LIN9: variants seen among roughly 807,000 people sequenced by gnomAD.
The protein encoded by LIN9 is lin-9 DREAM MuvB core complex component.
In LIN9, 18 loss-of-function variants were observed where a neutral mutation model predicts 78.0. That is an observed-to-expected ratio of 0.23 (90% CI 0.16 to 0.34). The LOEUF (loss-of-function observed/expected upper bound fraction) is 0.34. Ranked by LOEUF, LIN9 falls within the 10% of genes least tolerant of loss-of-function variation. LIN9 has a pLI of 1.00. For missense variants in LIN9, 451 were observed against 644.1 expected (o/e 0.70, Z 3.25); for synonymous variants, 192 against 215.2 (o/e 0.89, Z 0.94).
chr1:226,281,902 C>A (rs546851929), intron 6 of LIN9, among the ~76,000 whole-genome samples: 1 of 152,176 alleles, frequency 6.6e-6, no homozygotes, highest in South Asian at 2.1e-4. Context: ...CCATATTGGC[C>A]AGGCTGCTCT....
In LIN9 at chr1:226,254,319, T is replaced by G. The variant is rs1297454206; in HGVS notation, c.1039-3400A>C. ...TTATTTTGTCATAAGAAAAAATACA[T>G]TTGGAACAGCAAAAAAATCAAAATA... On this transcript the variant is annotated intron_variant, in intron 10 of 14. Transcript: ENST00000681046. 2.0e-5 allele frequency among the ~76,000 whole-genome samples: 3 copies of G among 152,140 alleles called. No homozygotes were observed. The East Asian group carries it at 5.8e-4, about 29-fold the overall frequency.
intron 7 of LIN9, among the ~76,000 whole-genome samples, chr1:226,268,889 A>G (rs147252329): frequency 5.3e-5 from 8 of 152,278 alleles, no homozygotes; most frequent in East Asian, 1.9e-4. Context: ...TCTTTTGCCA[A>G]TTTTGTTTTG....
chr1:226,234,425 T>C (rs1390349455), intron 12 of LIN9, among the ~76,000 whole-genome samples: 4 of 152,212 alleles, frequency 2.6e-5, no homozygotes, highest in Admixed American at 6.5e-5. Flanking sequence ...ATAACTTTTA[T>C]TCTATGGGTT....
chr1:226,305,315 G>GAAAA (rs111859953), intron 1 of LIN9, among the ~76,000 whole-genome samples: 12 of 77,536 alleles, frequency 1.5e-4, no homozygotes, highest in African/African-American at 5.9e-4. Flanking sequence ...ACAAAAAAAA[G>GAAAA]AAAAAAAAAA....
intron 7 of LIN9, among the ~76,000 whole-genome samples, chr1:226,275,713 GA>G (rs1203565721): frequency 7.9e-5 from 8 of 100,898 alleles, no homozygotes; most frequent in Non-Finnish European, 1.5e-4. Flanking sequence ...AAAAAAAAAA[GA>G]AAAAAAGAAA....
At chr1:226,279,078 G>A (rs879682834) in intron 6 of LIN9, among the ~76,000 whole-genome samples, 2 of 150,818 alleles carry the variant, frequency 1.3e-5, no homozygotes, top group African/African-American at 2.4e-5. Flanking sequence ...GGAGAATGGC[G>A]TGAACCCGGG....
intron 11 of LIN9, among the ~76,000 whole-genome samples, chr1:226,249,056 G>A (rs146565913): frequency 6.6e-6 from 1 of 152,252 alleles, no homozygotes; most frequent in Non-Finnish European, 1.5e-5. Flanking sequence ...AAGATTAACT[G>A]GGCAAAGGCA....
intron 2 of LIN9, 56 bp downstream of exon 2, chr1:226,301,117 A>G: frequency 7.7e-7 from 1 of 1,304,244 alleles, no homozygotes; most frequent in South Asian, 1.3e-5. Flanking sequence ...TATCCAGATT[A>G]ATTTAACAAA....
chr1:226,309,042 C>T, intron 1 of LIN9, 67 bp downstream of exon 1: 2 of 1,293,486 alleles, frequency 1.5e-6, no homozygotes, highest in Non-Finnish European at 2.0e-6. Flanking sequence ...CCGTCCGTCC[C>T]GGCCGGTGCA....
chr1:226,235,237 G>A (rs1245034383), intron 12 of LIN9, among the ~76,000 whole-genome samples: 2 of 144,012 alleles, frequency 1.4e-5, no homozygotes, highest in East Asian at 2.1e-4. Flanking sequence ...CAGGAGAATC[G>A]CTTGAACCCC....
intron 7 of LIN9, among the ~76,000 whole-genome samples, chr1:226,272,987 T>C (rs954880967): frequency 6.6e-6 from 1 of 152,054 alleles, no homozygotes; most frequent in East Asian, 1.9e-4. Flanking sequence ...TGGTGTTGGG[T>C]CTGATCACCC....
intron 10 of LIN9, among the ~76,000 whole-genome samples, chr1:226,254,275 G>A (rs994525768): frequency 6.6e-6 from 1 of 151,988 alleles, no homozygotes; most frequent in Non-Finnish European, 1.5e-5. Flanking sequence ...TGTGCCTGGC[G>A]GCAAAACATT....
At chr1:226,252,047 G>A (rs775852671) in intron 10 of LIN9, among the ~76,000 whole-genome samples, 2 of 152,080 alleles carry the variant, frequency 1.3e-5, no homozygotes, top group Admixed American at 6.6e-5. Context: ...TTAAGCCCAA[G>A]AGTTTGTGAC....
chr1:226,251,879 G>C (rs1658855166), intron 10 of LIN9, among the ~76,000 whole-genome samples: 1 of 152,166 alleles, frequency 6.6e-6, no homozygotes, highest in Admixed American at 6.6e-5. Flanking sequence ...TTAGGAAGAA[G>C]AAATAACACA....
intron 11 of LIN9, among the ~76,000 whole-genome samples, chr1:226,241,714 T>C (rs960973350): frequency 3.3e-5 from 5 of 151,884 alleles, no homozygotes; most frequent in African/African-American, 1.2e-4. Flanking sequence ...AAAAATTAGC[T>C]GGGTGTGGTG....
At chr1:226,296,482 CT>C (rs1206506264) in intron 3 of LIN9, among the ~76,000 whole-genome samples, 1 of 152,024 alleles carries the variant, frequency 6.6e-6, no homozygotes, top group African/African-American at 2.4e-5. Context: ...ACCCATAGAA[CT>C]AAAAAAGTTG....
At chr1:226,266,734 G>C (rs1259053498) in intron 8 of LIN9, among the ~76,000 whole-genome samples, 2 of 151,566 alleles carry the variant, frequency 1.3e-5, no homozygotes, top group Non-Finnish European at 2.9e-5. Flanking sequence ...GAAATATTTG[G>C]GTGATCTCAT....
At chr1:226,278,848 G>A (rs1043917949) in intron 6 of LIN9, among the ~76,000 whole-genome samples, 11 of 150,288 alleles carry the variant, frequency 7.3e-5, no homozygotes, top group Admixed American at 1.3e-4. Flanking sequence ...AAGGCCGGGC[G>A]CGGTGGCTCA....
intron 6 of LIN9, 128 bp from the exon 7 acceptor site, chr1:226,278,060 T>C (rs1238965276): frequency 5.9e-6 from 4 of 673,644 alleles, no homozygotes; most frequent in African/African-American, 1.8e-5. Context: ...TGGCACAATC[T>C]TGGCTCACTG....
Sources: gnomAD v4.1 joint callset for allele counts (sites outside exome capture counted in the v4.1 genomes callset) on GRCh38, gnomAD v4.1.1 for gene constraint, MANE v1.5 for transcripts, NCBI Gene and HGNC (gene_info 2026-07-23, HGNC 2026-07-21) for gene names.